The following MTMR7 variants were observed in gnomAD, a reference collection of about 807,000 sequenced individuals.
MTMR7 encodes phosphatidylinositol-3-phosphate phosphatase MTMR7.
MTMR7 carries 76 observed loss-of-function variants against 81.2 expected under a neutral mutation model. That is an observed-to-expected ratio of 0.94 (90% confidence interval 0.78 to 1.13). MTMR7 has a LOEUF of 1.13. MTMR7 is among the 50% of genes most tolerant of loss of function. The pLI, the probability that MTMR7 is intolerant of heterozygous loss-of-function variation, is 0.00. For missense variants in MTMR7, 1,044 were observed against 820.0 expected (o/e 1.27, Z -3.34); for synonymous variants, 372 against 289.8 (o/e 1.28, Z -2.88).
intron 2 of MTMR7, among the ~76,000 whole-genome samples, chr8:17,371,642 T>G (rs1353655945): frequency 6.6e-6 from 1 of 152,182 alleles, no homozygotes; most frequent in Non-Finnish European, 1.5e-5. Context: ...GAGTTCTGTA[T>G]CAACATGGGA....
At chr8:17,412,177 A>G (rs533839615) in intron 1 of MTMR7, among the ~76,000 whole-genome samples, 1 of 152,348 alleles carries the variant, frequency 6.6e-6, no homozygotes, top group Non-Finnish European at 1.5e-5. Flanking sequence ...TTCCAATGAC[A>G]TGAGATCATT....
At chr8:17,409,794 A>G (rs953372826) in intron 1 of MTMR7, among the ~76,000 whole-genome samples, 3 of 152,176 alleles carry the variant, frequency 2.0e-5, no homozygotes, top group South Asian at 2.1e-4. Context: ...TTGAAACTAG[A>G]AAGATGAGGT....
chr8:17,309,363 C>A, intron 9 of MTMR7, 37 bp from the exon 10 acceptor site: 1 of 1,394,126 alleles, frequency 7.2e-7, no homozygotes, highest in Non-Finnish European at 1.0e-6. Flanking sequence ...TGGAGAGAAG[C>A]AAACGAAAAA....
intron 6 of MTMR7, among the ~76,000 whole-genome samples, chr8:17,335,451 G>T (rs1260319404): frequency 6.6e-6 from 1 of 152,140 alleles, no homozygotes; most frequent in African/African-American, 2.4e-5. Flanking sequence ...GTTCATCTTG[G>T]TATCAGGTTA....
intron 1 of MTMR7, among the ~76,000 whole-genome samples, chr8:17,399,486 AC>A (rs1273285381): frequency 1.3e-5 from 2 of 152,198 alleles, no homozygotes; most frequent in Non-Finnish European, 2.9e-5. Context: ...AAGAGGACAC[AC>A]AAAAATGGAA....
intron 1 of MTMR7, among the ~76,000 whole-genome samples, chr8:17,387,715 T>A (rs17503270): frequency 0.046 from 6,950 of 152,278 alleles, 237 homozygotes; most frequent in Non-Finnish European, 0.07. Context: ...AAATCTCTAA[T>A]TCCTATACGT....
chr8:17,352,129 T>C (rs1400639466), intron 4 of MTMR7, among the ~76,000 whole-genome samples: 4 of 152,084 alleles, frequency 2.6e-5, no homozygotes, highest in East Asian at 1.9e-4. Context: ...GGACCCCAAA[T>C]AGCAAAAAAC....
intron 10 of MTMR7, among the ~76,000 whole-genome samples, chr8:17,306,958 C>A (rs1308700345): frequency 6.6e-6 from 1 of 152,116 alleles, no homozygotes; most frequent in Non-Finnish European, 1.5e-5. Context: ...CTAGGCAATA[C>A]CATTCAGGAC....
intron 5 of MTMR7, among the ~76,000 whole-genome samples, chr8:17,346,474 C>G (rs967425712): frequency 3.3e-5 from 5 of 152,044 alleles, no homozygotes; most frequent in African/African-American, 1.2e-4. Context: ...CATTTTCAGG[C>G]CTGGAGGTTC....
At chr8:17,329,210 T>G (rs180764309) in intron 7 of MTMR7, among the ~76,000 whole-genome samples, 1 of 152,180 alleles carries the variant, frequency 6.6e-6, no homozygotes, top group Admixed American at 6.5e-5. Context: ...GGATAGCTGT[T>G]TGAAGGAGGA....
At chr8:17,337,245 A>C (rs1265885946) in intron 6 of MTMR7, among the ~76,000 whole-genome samples, 1 of 151,826 alleles carries the variant, frequency 6.6e-6, no homozygotes, top group Non-Finnish European at 1.5e-5. Context: ...GGCACCTGTA[A>C]ACCCAGCTAC....
chr8:17,406,489 T>A (rs1821585137), intron 1 of MTMR7, among the ~76,000 whole-genome samples: 1 of 152,062 alleles, frequency 6.6e-6, no homozygotes, highest in South Asian at 2.1e-4. Context: ...CAATGACAAG[T>A]GTCAGTGATG....
intron 1 of MTMR7, among the ~76,000 whole-genome samples, chr8:17,381,414 T>A (rs908599419): frequency 1.6e-4 from 25 of 152,030 alleles, no homozygotes; most frequent in African/African-American, 6.0e-4. Context: ...GATCCTCTAT[T>A]GTGCCACCTT....
At chr8:17,397,481 T>C (rs1330902441) in intron 1 of MTMR7, among the ~76,000 whole-genome samples, 1 of 152,188 alleles carries the variant, frequency 6.6e-6, no homozygotes, top group Non-Finnish European at 1.5e-5. Flanking sequence ...AAGAGGCTCC[T>C]CTGCCTGCAG....
intron 7 of MTMR7, among the ~76,000 whole-genome samples, chr8:17,323,129 G>C (rs959441014): frequency 6.6e-6 from 1 of 151,468 alleles, no homozygotes; most frequent in East Asian, 2.0e-4. Flanking sequence ...TGTATTTTCA[G>C]TAGAGATGGG....
At chr8:17,343,346 C>T (rs1287417340) in intron 5 of MTMR7, among the ~76,000 whole-genome samples, 3 of 152,074 alleles carry the variant, frequency 2.0e-5, no homozygotes, top group Non-Finnish European at 4.4e-5. Context: ...AGGAGAATCA[C>T]TTGAACCCGA....
intron 2 of MTMR7, chr8:17,372,861 A>G (rs908673686): frequency 2.8e-6 from 1 of 362,426 alleles, no homozygotes; most frequent in Non-Finnish European, 5.1e-6. Flanking sequence ...GACAGCTGTG[A>G]CAGGAAGCAC....
At chr8:17,391,577 A>G (rs1238157068) in intron 1 of MTMR7, among the ~76,000 whole-genome samples, 1 of 152,166 alleles carries the variant, frequency 6.6e-6, no homozygotes, top group East Asian at 1.9e-4. Flanking sequence ...CTTTAAATGT[A>G]TCCGTTTAGC....
chr8:17,349,279 G>T (rs1260413589), intron 4 of MTMR7, 198 bp from the exon 5 acceptor site: 10 of 538,940 alleles, frequency 1.9e-5, no homozygotes, highest in Non-Finnish European at 3.2e-5. Context: ...TCATTCTGAA[G>T]GAACGCAAGC....
Sources: allele counts gnomAD v4.1 joint callset (sites outside exome capture counted in the v4.1 genomes callset), GRCh38; gene constraint gnomAD v4.1.1; transcripts MANE v1.5; gene names NCBI Gene and HGNC (gene_info 2026-07-23, HGNC 2026-07-21).